Variants in FMN2 observed in about 807,000 individuals in gnomAD.
FMN2 encodes formin-2.
FMN2 carries 51 observed loss-of-function variants against 142.3 expected under a neutral mutation model. The ratio of observed to expected loss-of-function variants is 0.36; its 90% CI spans 0.29 to 0.45. The LOEUF (loss-of-function observed/expected upper bound fraction) is 0.45. Ranked by LOEUF, FMN2 falls within the 20% of genes least tolerant of loss-of-function variation. FMN2 has a pLI of 1.00. For missense variants in FMN2, 1,936 were observed against 2,122.8 expected (o/e 0.91, Z 1.73); for synonymous variants, 882 against 869.8 (o/e 1.01, Z -0.25).
intron 8 of FMN2, among the ~76,000 whole-genome samples, chr1:240,299,256 T>C (rs1034894977): frequency 3.3e-5 from 5 of 152,154 alleles, no homozygotes; most frequent in African/African-American, 1.2e-4. Flanking sequence ...CCTGAGTTTT[T>C]ATATTCCATA....
At chr1:240,349,948 T>C (rs1672033943) in intron 13 of FMN2, among the ~76,000 whole-genome samples, 1 of 120,242 alleles carries the variant, frequency 8.3e-6, no homozygotes, top group Non-Finnish European at 1.7e-5. Context: ...GATTGTAGTG[T>C]TCGGTATTTT....
At position 240,330,750 on chromosome 1, in the gene FMN2, G is replaced by A. The variant is rs1671347775; in HGVS notation, c.4584+1G>A. On this transcript the variant is annotated splice_donor_variant, in intron 11 of 17. Transcript: ENST00000319653. LOFTEE classifies it high-confidence loss of function. ...AAAACTGAAAGATGTCAAGAGCAGT[G>A]TAAGTATTTTGCATGAGTGGACGTA... 6.2e-7 allele frequency: 1 copy of A among 1,613,452 alleles called. No homozygotes were observed. The highest frequency in any genetic ancestry group is 8.5e-7 in the Non-Finnish European group (1 of 1,179,736).
chr1:240,125,582 C>T (rs1662463296), intron 2 of FMN2, among the ~76,000 whole-genome samples: 1 of 152,212 alleles, frequency 6.6e-6, no homozygotes, highest in Non-Finnish European at 1.5e-5. Flanking sequence ...CTAGCCATGT[C>T]TAGCACTTGC....
chr1:240,456,833 C>CT (rs1676262920), intron 16 of FMN2, among the ~76,000 whole-genome samples: 1 of 152,196 alleles, frequency 6.6e-6, no homozygotes, highest in African/African-American at 2.4e-5. Flanking sequence ...GGCTGGCCGA[C>CT]TGAACTATGT....
At chr1:240,250,427 T>C (rs887367849) in intron 6 of FMN2, among the ~76,000 whole-genome samples, 1 of 152,200 alleles carries the variant, frequency 6.6e-6, no homozygotes, top group African/African-American at 2.4e-5. Flanking sequence ...TTTGCATCCC[T>C]GGGATAAATC....
At chr1:240,143,521 T>TCA in intron 2 of FMN2, 1 of 1,587,690 alleles carries the variant, frequency 6.3e-7, no homozygotes. Flanking sequence ...CTCTTTGGAG[T>TCA]CAAAGTGTTC....
chr1:240,121,116 G>A (rs904972091), intron 1 of FMN2, among the ~76,000 whole-genome samples: 3 of 151,942 alleles, frequency 2.0e-5, no homozygotes, highest in Admixed American at 2.0e-4. Context: ...AGCCGAGACC[G>A]CGCCACTGCG....
chr1:240,263,426 C>CTA (rs1310036280), intron 7 of FMN2, among the ~76,000 whole-genome samples: 3 of 152,166 alleles, frequency 2.0e-5, no homozygotes, highest in African/African-American at 7.2e-5. Flanking sequence ...AAGAACAAAG[C>CTA]TATTAGCCCC....
chr1:240,309,332 G>C (rs907890945), intron 8 of FMN2, among the ~76,000 whole-genome samples: 4 of 152,122 alleles, frequency 2.6e-5, no homozygotes, highest in African/African-American at 9.7e-5. Flanking sequence ...ACACACTTCT[G>C]GGGGCAGGTG....
At chr1:240,244,583 C>G (rs576770739) in intron 6 of FMN2, among the ~76,000 whole-genome samples, 4 of 152,272 alleles carry the variant, frequency 2.6e-5, no homozygotes, top group Admixed American at 6.5e-5. Context: ...TGATATGATT[C>G]TAAGTTACAG....
chr1:240,165,903 G>A (rs1452369061), intron 2 of FMN2, among the ~76,000 whole-genome samples: 1 of 151,900 alleles, frequency 6.6e-6, no homozygotes, highest in African/African-American at 2.4e-5. Flanking sequence ...TCTCTTAGAG[G>A]TCAGGGTCCT....
At position 240,392,556 on chromosome 1, in the gene FMN2, A is replaced by G. The variant is rs746596876; in HGVS notation, c.4904A>G (p.His1635Arg). 58 of 1,607,744 alleles carry G rather than the reference A, an allele frequency of 3.6e-5. No individual in the cohort carries two copies. The South Asian group carries it at 6.3e-4, about 17-fold the overall frequency. ...EAEENSLTET[H>R]KCFLETTAYF... ...GAGGAAAATTCACTGACAGAGACTC[A>G]TAAATGGTGAGAAATTACTTTATTT... The change falls in exon 15 of 18, where the codon CAT becomes CGT. Residue 1635 changes from histidine (H) to arginine (R), a missense_variant. This residue lies in a region of FMN2 where 322 missense variants were observed against 401.6 expected (regional missense o/e 0.80). Transcript: ENST00000319653.
At chr1:240,334,337 C>T in intron 13 of FMN2, 108 bp downstream of exon 13, 2 of 1,303,434 alleles carry the variant, frequency 1.5e-6, no homozygotes, top group Non-Finnish European at 2.0e-6. Flanking sequence ...CTTTATAGAA[C>T]TAAATTTGTG....
chr1:240,101,705 G>A (rs944799251), intron 1 of FMN2, among the ~76,000 whole-genome samples: 6 of 150,676 alleles, frequency 4.0e-5, no homozygotes, highest in Admixed American at 6.6e-5. Flanking sequence ...ACTATGCCTG[G>A]CTAATTTTTT....
Position 240,471,665 on chromosome 1 carries a change from C to T in FMN2, c.5061-707C>T, listed in dbSNP as rs556084026. ...TGCTGGGATTACAGGCATGAGCCAC[C>T]GCGCCCAGCCGGCATGTAAATTTTT... On this transcript the variant is annotated intron_variant, in intron 16 of 17. Transcript: ENST00000319653. The T allele has an allele frequency of 2.0e-4, 30 of 152,788 alleles. No homozygotes were observed. In the South Asian group the frequency reaches 4.5e-3, roughly 23 times the overall value. The allele number at this position is 152,788 out of a possible 1,614,324, so 9.5% of individuals were successfully genotyped here. A position where few individuals can be genotyped will look rare whatever the true frequency, so the allele number is the denominator to read the frequency against.
At chr1:240,292,436 T>A (rs1669827267) in intron 7 of FMN2, among the ~76,000 whole-genome samples, 1 of 152,344 alleles carries the variant, frequency 6.6e-6, no homozygotes, top group African/African-American at 2.4e-5. Flanking sequence ...AAGGCTGGGC[T>A]ATTCAGCATA....
At chr1:240,203,195 G>A (rs1666193529) in intron 4 of FMN2, among the ~76,000 whole-genome samples, 1 of 152,146 alleles carries the variant, frequency 6.6e-6, no homozygotes, top group South Asian at 2.1e-4. Flanking sequence ...ATGGAATTAT[G>A]TATAGTGGCC....
chr1:240,349,893 G>A (rs1440316868), intron 13 of FMN2, among the ~76,000 whole-genome samples: 1 of 151,498 alleles, frequency 6.6e-6, no homozygotes, highest in Non-Finnish European at 1.5e-5. Context: ...CTCTATCTTT[G>A]TTCTGTTTTT....
At chr1:240,295,763 C>G (rs1669953858) in intron 8 of FMN2, among the ~76,000 whole-genome samples, 1 of 152,106 alleles carries the variant, frequency 6.6e-6, no homozygotes, top group South Asian at 2.1e-4. Flanking sequence ...TTTTCATTTC[C>G]TTTGGATGTA....
Sources: allele counts gnomAD v4.1 joint callset (sites outside exome capture counted in the v4.1 genomes callset), GRCh38; gene constraint gnomAD v4.1.1; regional missense constraint gnomAD v4.1.1; transcripts MANE v1.5; gene names NCBI Gene and HGNC (gene_info 2026-07-23, HGNC 2026-07-21).